EYS: variants seen among roughly 807,000 people sequenced by gnomAD.
The protein encoded by EYS is protein eyes shut homolog.
A neutral mutation model predicts 282.1 loss-of-function variants in EYS; 250 were observed. The ratio of observed to expected loss-of-function variants is 0.89; its 90% CI spans 0.80 to 0.98. The LOEUF is 0.98. Among genes scored for constraint, EYS ranks in the 50% least tolerant of loss-of-function variants. EYS has a pLI of 0.00. For missense variants in EYS, 4,016 were observed against 3,709.0 expected (o/e 1.08, Z -2.15); for synonymous variants, 1,355 against 1,282.9 (o/e 1.06, Z -1.20).
At chr6:65,333,575 C>T (rs1050035476) in intron 11 of EYS, among the ~76,000 whole-genome samples, 3 of 151,528 alleles carry the variant, frequency 2.0e-5, no homozygotes, top group Non-Finnish European at 4.4e-5. Flanking sequence ...TTGTTTGAAT[C>T]TCCTATATCT....
chr6:65,690,598 C>A (rs1002285096), intron 1 of EYS, among the ~76,000 whole-genome samples: 3 of 150,046 alleles, frequency 2.0e-5, no homozygotes, highest in African/African-American at 7.3e-5. Context: ...TTAACACAAT[C>A]CTGCATGCAA....
rs186910322 is a variant in EYS, at chr6:64,139,381, G to T, written c.6425-57379C>A. ...AAGACATACATTCTAGTGGCAGCAA[G>T]GGCTTTCTTGAGATGGTTGATTACC... On this transcript the variant is annotated intron_variant, in intron 31 of 42. Transcript: ENST00000503581. Among the ~76,000 whole-genome samples, 11 of 152,214 alleles carry T rather than the reference G, an allele frequency of 7.2e-5. No individual in the cohort carries two copies. The East Asian group carries it at 2.1e-3, about 29-fold the overall frequency.
At position 65,494,923 on chromosome 6, in the gene EYS, A is replaced by G. The variant is rs777311125; in HGVS notation, c.488T>C (p.Leu163Pro). The change falls in exon 4 of 43, where the codon CTT becomes CCT. Residue 163 changes from leucine to proline, a missense_variant. Physicochemically the swap from Leu to Pro is moderately conservative, Grantham distance 98 (BLOSUM62 -3). Coordinates refer to ENST00000503581, the MANE Select transcript of EYS (RefSeq NM_001142800.2). The stretch of plus-strand genomic sequence containing the variant: ...CTGTTTCACTGTCACATTTAGTCGA[A>G]GTCCCAGTGGACAAGGTGATGGACC... ...ASGPSPCPLG[L>P]RLNVTVKQQF... The G allele has an allele frequency of 1.2e-6, 2 of 1,614,158 alleles. No homozygotes were observed. The highest frequency in any genetic ancestry group is 2.2e-5 in the South Asian group (2 of 91,086).
chr6:64,168,478 C>T (rs1764373180), intron 31 of EYS, among the ~76,000 whole-genome samples: 1 of 152,090 alleles, frequency 6.6e-6, no homozygotes, highest in African/African-American at 2.4e-5. Flanking sequence ...AACATGTCCA[C>T]ATAAAGACCT....
At chr6:65,521,597 A>G (rs1023297575) in intron 2 of EYS, among the ~76,000 whole-genome samples, 1 of 152,178 alleles carries the variant, frequency 6.6e-6, no homozygotes, top group Admixed American at 6.5e-5. Context: ...GTTCATATAA[A>G]AAAATCTACA....
intron 35 of EYS, among the ~76,000 whole-genome samples, chr6:63,945,402 G>C (rs1262906875): frequency 6.6e-6 from 1 of 152,044 alleles, no homozygotes; most frequent in Non-Finnish European, 1.5e-5. Context: ...TGGAGATTAT[G>C]GGAACTACCA....
rs189320326 is a variant in EYS, at chr6:65,034,659, A to G, written c.2137+22955T>C. Among the ~76,000 whole-genome samples the G allele has an allele frequency of 5.3e-5, 8 of 152,248 alleles. 1 individual carries two copies. Among genetic ancestry groups the G allele is most frequent in the African/African-American group, 1.9e-4 (8 of 41,556 alleles). The stretch of plus-strand genomic sequence containing the variant: ...ATTGTAAGATTTCTGAGGCCTCCTT[A>G]GAAGCTGAGCAGGTGCCAGCCCCAT... On this transcript the variant is annotated intron_variant, in intron 13 of 42. Coordinates refer to ENST00000503581, the MANE Select transcript of EYS (RefSeq NM_001142800.2).
chr6:65,686,691 G>T (rs538642072), intron 1 of EYS, among the ~76,000 whole-genome samples: 1 of 152,166 alleles, frequency 6.6e-6, no homozygotes, highest in East Asian at 1.9e-4. Context: ...TTGGGTAATG[G>T]GTTGTTTTTA....
intron 2 of EYS, among the ~76,000 whole-genome samples, chr6:65,603,164 C>A (rs961143063): frequency 2.6e-5 from 4 of 151,896 alleles, no homozygotes; most frequent in Non-Finnish European, 5.9e-5. Flanking sequence ...GAATGATACA[C>A]CACTTCCTGC....
chr6:64,215,738 T>C (rs1000489266), intron 31 of EYS, among the ~76,000 whole-genome samples: 4 of 152,084 alleles, frequency 2.6e-5, no homozygotes, highest in African/African-American at 7.2e-5. Context: ...AAAGAAAAAA[T>C]ATAAAAGCAA....
chr6:64,885,372 G>A (rs1767055709), intron 19 of EYS, among the ~76,000 whole-genome samples: 1 of 151,678 alleles, frequency 6.6e-6, no homozygotes, highest in Admixed American at 6.6e-5. Context: ...TCTTTCAAAT[G>A]TTGATACATT....
chr6:64,072,389 C>T (rs926482161), intron 32 of EYS, among the ~76,000 whole-genome samples: 19 of 148,802 alleles, frequency 1.3e-4, no homozygotes, highest in East Asian at 4.0e-4. Context: ...TTTTTTTTTT[C>T]GGCTTCTACT....
intron 8 of EYS, among the ~76,000 whole-genome samples, chr6:65,364,145 T>C (rs1309293774): frequency 6.6e-6 from 1 of 151,258 alleles, no homozygotes; most frequent in Non-Finnish European, 1.5e-5. Context: ...TTAAATAACA[T>C]CTGATACATC....
chr6:63,750,429 GAAGACCTC>G (rs1769315633), intron 41 of EYS, among the ~76,000 whole-genome samples: 1 of 152,146 alleles, frequency 6.6e-6, no homozygotes, highest in Admixed American at 6.6e-5. Flanking sequence ...AGCCCAGCTG[GAAGACCTC>G]TCAAACCCTT....
At chr6:64,581,382 C>T (rs558942313) in intron 26 of EYS, among the ~76,000 whole-genome samples, 2 of 152,014 alleles carry the variant, frequency 1.3e-5, no homozygotes, top group South Asian at 2.1e-4. Flanking sequence ...AAAATCAGAA[C>T]CATTTGTTCA....
chr6:65,294,527 C>G (rs970258075), intron 12 of EYS, among the ~76,000 whole-genome samples: 1 of 151,702 alleles, frequency 6.6e-6, no homozygotes, highest in Non-Finnish European at 1.5e-5. Flanking sequence ...TGTGGTAAAA[C>G]TATATAGTTT....
rs767213595 is a variant in EYS, at chr6:64,591,397, C to T, written c.4470G>A (p.Ser1490=). The change falls in exon 26 of 43, where the codon TCG becomes TCA. Residue 1490 remains serine, a synonymous_variant. Transcript: ENST00000503581. The part of the protein sequence containing the change: ...RREHWRLLSP[S]MSPIFPAKVI... ...CCTTAGCAGGAAAAATGGGAGACAT[C>T]GAGGGGCTGAGCAATCTCCAGTGCT... is the stretch of plus-strand genomic sequence containing the variant. The T allele has an allele frequency of 3.2e-6, 5 of 1,551,094 alleles. No homozygotes were observed. Among genetic ancestry groups the T allele is most frequent in the African/African-American group, 2.7e-5 (2 of 72,978 alleles).
chr6:64,560,658 A>T (rs1765366066), intron 26 of EYS, among the ~76,000 whole-genome samples: 1 of 152,140 alleles, frequency 6.6e-6, no homozygotes, highest in African/African-American at 2.4e-5. Flanking sequence ...ACATAATTTC[A>T]TGAAATGCCT....
intron 30 of EYS, among the ~76,000 whole-genome samples, chr6:64,263,615 T>A (rs9451222): frequency 0.69 from 105,549 of 151,924 alleles, 36,691 homozygotes; most frequent in African/African-American, 0.72. Context: ...CTGTTGTTTT[T>A]AATTTATCAA....
Sources: gnomAD v4.1 joint callset for allele counts (sites outside exome capture counted in the v4.1 genomes callset) on GRCh38, gnomAD v4.1.1 for gene constraint, MANE v1.5 for transcripts, NCBI Gene and HGNC (gene_info 2026-07-23, HGNC 2026-07-21) for gene names.